The following PCDHAC1 variants were observed in gnomAD, a reference collection of about 807,000 sequenced individuals.
PCDHAC1 encodes protocadherin alpha subfamily C, 1.
In PCDHAC1, 42 loss-of-function variants were observed where a neutral mutation model predicts 60.0. That is an observed-to-expected ratio of 0.70 (90% CI 0.55 to 0.90). PCDHAC1 has a LOEUF of 0.90. PCDHAC1 is among the 40% of genes least tolerant of loss of function. The pLI, the probability that PCDHAC1 is intolerant of heterozygous loss-of-function variation, is 0.00. For missense variants in PCDHAC1, 1,160 were observed against 1,222.3 expected, an observed-to-expected ratio of 0.95 and a Z score of 0.76; for synonymous variants, 468 against 499.3, an observed-to-expected ratio of 0.94 and a Z score of 0.84.
intron 1 of PCDHAC1, among the ~76,000 whole-genome samples, chr5:140,976,828 C>G (rs935294640): frequency 6.6e-6 from 1 of 152,262 alleles, no homozygotes; most frequent in Admixed American, 6.5e-5. Flanking sequence ...GTCTAATGAG[C>G]AAAACAGATA....
chr5:140,986,625 C>T (rs1312536887), intron 3 of PCDHAC1, among the ~76,000 whole-genome samples: 2 of 152,122 alleles, frequency 1.3e-5, no homozygotes, highest in African/African-American at 4.8e-5. Flanking sequence ...TTACCTAAGG[C>T]AACAGTACAT....
intron 1 of PCDHAC1, among the ~76,000 whole-genome samples, chr5:140,964,203 C>T (rs2095816993): frequency 6.6e-6 from 1 of 152,212 alleles, no homozygotes; most frequent in African/African-American, 2.4e-5. Context: ...TATACCATCT[C>T]TTTAGTACAA....
chr5:140,937,511 G>A (rs569896730), intron 1 of PCDHAC1, among the ~76,000 whole-genome samples: 2 of 152,166 alleles, frequency 1.3e-5, no homozygotes, highest in Non-Finnish European at 2.9e-5. Context: ...CAGCTACTCA[G>A]GAGGCTGAGG....
At chr5:140,957,080 A>G (rs2095331610) in intron 1 of PCDHAC1, among the ~76,000 whole-genome samples, 1 of 152,174 alleles carries the variant, frequency 6.6e-6, no homozygotes. Flanking sequence ...CTTTTTATTA[A>G]GGAAAATGAA....
At chr5:140,978,048 C>T (rs2096787371) in intron 1 of PCDHAC1, among the ~76,000 whole-genome samples, 1 of 152,146 alleles carries the variant, frequency 6.6e-6, no homozygotes, top group African/African-American at 2.4e-5. Flanking sequence ...GTGATGGTGA[C>T]TGATGATGTC....
intron 3 of PCDHAC1, among the ~76,000 whole-genome samples, chr5:140,998,912 C>T (rs1256504660): frequency 6.6e-6 from 1 of 152,182 alleles, no homozygotes; most frequent in Admixed American, 6.6e-5. Context: ...CGGGAGGTAG[C>T]TATTATATCC....
At chr5:140,995,342 A>G (rs2097678065) in intron 3 of PCDHAC1, among the ~76,000 whole-genome samples, 1 of 152,122 alleles carries the variant, frequency 6.6e-6, no homozygotes, top group African/African-American at 2.4e-5. Flanking sequence ...TGTAGACGGC[A>G]TGGATAGGTC....
chr5:140,928,077 C>T lies in PCDHAC1; in HGVS notation c.1185C>T (p.Tyr395=). The change falls in exon 1 of 4, where the codon TAC becomes TAT. Residue 395 remains tyrosine, a synonymous_variant. Coordinates refer to ENST00000253807, the MANE Select transcript of PCDHAC1 (RefSeq NM_018898.5). ...FQLTASFDNY[Y]SLLIDGPLDR... ...TGACGGCTTCCTTTGACAACTACTA[C>T]AGCCTGCTGATTGATGGGCCCCTGG... is the stretch of plus-strand genomic sequence containing the variant. 1 of 1,614,230 alleles carries T rather than the reference C, an allele frequency of 6.2e-7. No individual in the cohort carries two copies. Among genetic ancestry groups the T allele is most frequent in the Non-Finnish European group, 8.5e-7 (1 of 1,180,046 alleles).
chr5:140,996,111 G>C (rs981356405), intron 3 of PCDHAC1, among the ~76,000 whole-genome samples: 1 of 152,220 alleles, frequency 6.6e-6, no homozygotes, highest in East Asian at 1.9e-4. Context: ...GTATGGAAGT[G>C]TGCAGGGTGG....
rs2086142013 is a variant in PCDHAC1, at chr5:140,929,415, C to T, written c.2433+90C>T. 11 of 1,504,150 alleles carry T rather than the reference C, an allele frequency of 7.3e-6. 1 individual carries two copies. In the South Asian group the frequency reaches 1.2e-4, roughly 17 times the overall value. 93.2% of individuals were successfully genotyped at this position (1,504,150 alleles called of 1,614,324 possible). A position where few individuals can be genotyped will look rare whatever the true frequency, so the allele number is the denominator to read the frequency against. On this transcript the variant is annotated intron_variant, in intron 1 of 3. Coordinates refer to ENST00000253807, the MANE Select transcript of PCDHAC1 (RefSeq NM_018898.5). The stretch of plus-strand genomic sequence containing the variant: ...TATTTCTTAGACAAGCCTTTCACAA[C>T]ATTTCATCAATTGAACTAAACACTC...
chr5:140,940,361 A>T (rs1396183629), intron 1 of PCDHAC1, among the ~76,000 whole-genome samples: 1 of 152,210 alleles, frequency 6.6e-6, no homozygotes, highest in Non-Finnish European at 1.5e-5. Flanking sequence ...TGCTATTAAA[A>T]GTATTCCTTG....
At chr5:140,941,209 T>TCC (rs59604197) in intron 1 of PCDHAC1, among the ~76,000 whole-genome samples, 12 of 126,888 alleles carry the variant, frequency 9.5e-5, no homozygotes, top group Admixed American at 4.0e-4. Flanking sequence ...CTTCCTTTCT[T>TCC]TCTTCCTTTC....
intron 1 of PCDHAC1, chr5:140,966,879 GC>G: frequency 1.3e-6 from 2 of 1,587,514 alleles, no homozygotes; most frequent in Non-Finnish European, 1.7e-6. Flanking sequence ...CTGCTACCTG[GC>G]CCTGCGGCCT....
intron 1 of PCDHAC1, among the ~76,000 whole-genome samples, chr5:140,961,895 T>A (rs1453853880): frequency 6.6e-6 from 1 of 152,012 alleles, no homozygotes; most frequent in Non-Finnish European, 1.5e-5. Flanking sequence ...CAGTTTTTTT[T>A]TTTTTTGAGA....
At chr5:140,989,890 G>A (rs368567650) in intron 3 of PCDHAC1, among the ~76,000 whole-genome samples, 5 of 151,974 alleles carry the variant, frequency 3.3e-5, no homozygotes, top group Middle Eastern at 3.4e-3. Context: ...TGGAGTCTCC[G>A]TTATTCACAA....
intron 1 of PCDHAC1, chr5:140,968,410 T>G: frequency 6.2e-7 from 1 of 1,614,040 alleles, no homozygotes. Context: ...TCTTTGTGAC[T>G]GTGGAGGCTC....
At chr5:140,967,524 A>G in intron 1 of PCDHAC1, 1 of 1,612,564 alleles carries the variant, frequency 6.2e-7, no homozygotes, top group Non-Finnish European at 8.5e-7. Context: ...ACTAACGACA[A>G]CTCTCCTGCC....
chr5:140,942,435 A>G (rs1258382123), intron 1 of PCDHAC1, among the ~76,000 whole-genome samples: 2 of 152,114 alleles, frequency 1.3e-5, no homozygotes, highest in East Asian at 3.9e-4. Flanking sequence ...ATCTAACAAT[A>G]AACAAGTAAA....
intron 3 of PCDHAC1, among the ~76,000 whole-genome samples, chr5:140,982,886 G>A (rs1310342145): frequency 1.3e-5 from 2 of 152,114 alleles, no homozygotes; most frequent in Admixed American, 6.6e-5. Flanking sequence ...GCCATGCAGA[G>A]AAGATCTGGT....
Sources: allele counts gnomAD v4.1 joint callset (sites outside exome capture counted in the v4.1 genomes callset), GRCh38; gene constraint gnomAD v4.1.1; transcripts MANE v1.5; gene names NCBI Gene and HGNC (gene_info 2026-07-23, HGNC 2026-07-21).